The following AGAP3 variants were observed in gnomAD, a reference collection of about 807,000 sequenced individuals.
The protein encoded by AGAP3 is arf-GAP with GTPase, ANK repeat and PH domain-containing protein 3.
Under a neutral mutation model 96.9 loss-of-function variants are expected in AGAP3, and 24 were observed. The ratio of observed to expected loss-of-function variants is 0.25; its 90% CI spans 0.18 to 0.35. The LOEUF (loss-of-function observed/expected upper bound fraction) is 0.35, where lower values mean the gene tolerates loss of function less well. Ranked by LOEUF, AGAP3 falls within the 10% of genes least tolerant of loss-of-function variation. The pLI is 1.00. For missense variants in AGAP3, 876 were observed against 1,254.2 expected (o/e 0.70, Z 4.55); for synonymous variants, 563 against 536.1 (o/e 1.05, Z -0.69).
chr7:151,107,067 T>TG (rs1196237464), intron 1 of AGAP3, among the ~76,000 whole-genome samples: 2 of 152,102 alleles, frequency 1.3e-5, no homozygotes, highest in African/African-American at 4.8e-5. Context: ...CCCAGCACTT[T>TG]GGGGGGCCAA....
chr7:151,143,991 A>C lies in AGAP3; in HGVS notation c.*48A>C, dbSNP rs1316942267. ...GCCAGAAGGACTCCATGGCCCAAAG[A>C]CCCTCCTCCCTGCAGGCACTGTGGG... On this transcript the variant is annotated 3_prime_UTR_variant, in exon 18 of 18. Coordinates refer to ENST00000397238, the MANE Select transcript of AGAP3 (RefSeq NM_031946.7). This position sits in a 1 kb window ranked among gnomAD's most constrained non-coding sequence, Gnocchi z 5.9. 1 of 1,558,282 alleles carries C rather than the reference A, an allele frequency of 6.4e-7. No homozygotes were observed. The highest frequency in any genetic ancestry group is 8.8e-7 in the Non-Finnish European group (1 of 1,135,114).
At position 151,139,968 on chromosome 7, in the gene AGAP3, C is replaced by A. The variant is rs1173653764; in HGVS notation, c.1667-11C>A. The A allele has an allele frequency of 1.9e-6, 3 of 1,542,630 alleles. No homozygotes were observed. On this transcript the variant is annotated splice_polypyrimidine_tract_variant and intron_variant, in intron 12 of 17. Transcript: ENST00000397238. The surrounding 1 kb of genome is among the most constrained non-coding windows in gnomAD (Gnocchi z 4.9). ...CTTCTTCCCACACTTCTCCAACTCT[C>A]CCCTCACCAGCCAGTGGCCCAGCTG... is the stretch of plus-strand genomic sequence containing the variant.
At chr7:151,087,377 AGGGCTTCAGCTGC>A (rs1198037008) in intron 1 of AGAP3, among the ~76,000 whole-genome samples, 2 of 151,620 alleles carry the variant, frequency 1.3e-5, no homozygotes, top group Non-Finnish European at 2.9e-5. Flanking sequence ...GGCGCGGCAG[AGGGCTTCAGCTGC>A]GGGGAGGTGG....
In AGAP3 at chr7:151,117,645, T is replaced by G; in HGVS notation, c.574T>G (p.Trp192Gly). The change falls in exon 5 of 18, where the codon TGG becomes GGG. Residue 192 changes from tryptophan to glycine, a missense_variant. Trp to Gly is a radical substitution (Grantham distance 184, BLOSUM62 -2). Coordinates refer to ENST00000397238, the MANE Select transcript of AGAP3 (RefSeq NM_031946.7). ...ACTTGCTCTACCCTAGTTTGCTGCC[T>G]GGGTGGATGCAGTGGTGTTTGTGTT... ...GGPPELQFAAWVDAVVFVFSL... is the reference protein window; with the variant it reads ...GGPPELQFAAGVDAVVFVFSL... The G allele has an allele frequency of 6.2e-7, 1 of 1,614,112 alleles. No homozygotes were observed. Among genetic ancestry groups the G allele is most frequent in the Non-Finnish European group, 8.5e-7 (1 of 1,179,980 alleles).
chr7:151,132,333 T>C (rs1385452875), intron 10 of AGAP3, among the ~76,000 whole-genome samples: 1 of 152,200 alleles, frequency 6.6e-6, no homozygotes, highest in East Asian at 1.9e-4. Flanking sequence ...GTTCTGTGGT[T>C]CTGGGACAAT....
chr7:151,125,847 A>AGGC (rs1189457642), intron 9 of AGAP3, among the ~76,000 whole-genome samples: 1 of 152,186 alleles, frequency 6.6e-6, no homozygotes, highest in African/African-American at 2.4e-5. Flanking sequence ...GCTGGGAGGG[A>AGGC]GGCGGCGGCG....
rs554713768 is a variant in AGAP3, at chr7:151,121,360, G to A, written c.1128+1215G>A. On this transcript the variant is annotated intron_variant, in intron 8 of 17. Transcript: ENST00000397238. ...AGAGCGTGGGGGGGGCCGCCTGCTC[G>A]AGCCCACACCTGCTGCTGCTGCTGC... Among the ~76,000 whole-genome samples, 25 of 151,334 alleles carry A rather than the reference G, an allele frequency of 1.7e-4. No homozygotes were observed. In the Middle Eastern group the frequency reaches 0.014, roughly 82 times the overall value.
At chr7:151,117,833 C>G (rs1799670622) in intron 5 of AGAP3, 56 bp downstream of exon 5, 8 of 1,557,324 alleles carry the variant, frequency 5.1e-6, no homozygotes, top group South Asian at 1.2e-5. Context: ...GGCAACGATG[C>G]ATGGGGGCAG....
In AGAP3 at chr7:151,144,082, G is replaced by A; in HGVS notation, c.*139G>A. On this transcript the variant is annotated 3_prime_UTR_variant, in exon 18 of 18. Transcript: ENST00000397238. ...ACGAAGCCAAGGAAATTAGGGAGGA[G>A]AGTCAAAGGGATCAAGGAGAGTTGG... 2.3e-6 allele frequency: 2 copies of A among 871,554 alleles called. No homozygotes were observed. The highest frequency in any genetic ancestry group is 1.7e-5 in the South Asian group (1 of 57,270). 54.0% of individuals were successfully genotyped at this position (871,554 alleles called of 1,614,324 possible). A position where few individuals can be genotyped will look rare whatever the true frequency, so the allele number is the denominator to read the frequency against.
At chr7:151,123,181 T>G (rs1005842137) in intron 8 of AGAP3, 2 of 1,069,484 alleles carry the variant, frequency 1.9e-6, no homozygotes, top group South Asian at 6.1e-5. Flanking sequence ...CCGTTCCTGC[T>G]CCTGCTCCGG....
At chr7:151,134,237 G>A (rs948487033) in intron 10 of AGAP3, among the ~76,000 whole-genome samples, 163 bp from the exon 11 acceptor site, 4 of 151,982 alleles carry the variant, frequency 2.6e-5, no homozygotes, top group Non-Finnish European at 5.9e-5. Context: ...AGATCGAGGT[G>A]GAATCCAGAC....
Position 151,140,533 on chromosome 7 carries a change from A to T in AGAP3, c.1804+417A>T, listed in dbSNP as rs1800777848. 6.5e-6 allele frequency: 1 copy of T among 153,100 alleles called. No homozygotes were observed. Among genetic ancestry groups the T allele is most frequent in the Non-Finnish European group, 1.5e-5 (1 of 68,672 alleles). 9.5% of individuals were successfully genotyped at this position (153,100 alleles called of 1,614,324 possible). ...TCATTAGTTTTCCTTAGGCTAAGGA[A>T]TTCCAGGTCCTGAAGCCTTCTTCCA... is the stretch of plus-strand genomic sequence containing the variant. On this transcript the variant is annotated intron_variant, in intron 13 of 17. Coordinates refer to ENST00000397238, the MANE Select transcript of AGAP3 (RefSeq NM_031946.7). This position sits in a 1 kb window ranked among gnomAD's most constrained non-coding sequence, Gnocchi z 5.4.
rs374773519 is a variant in AGAP3, at chr7:151,118,226, G to A, written c.723G>A (p.Ala241=). 9 of 1,610,702 alleles carry A rather than the reference G, an allele frequency of 5.6e-6. No homozygotes were observed. Among genetic ancestry groups the A allele is most frequent in the African/African-American group, 4.0e-5 (3 of 74,846 alleles). The change falls in exon 6 of 18, where the codon GCG becomes GCA. Residue 241 remains alanine (A), a synonymous_variant. Transcript: ENST00000397238. This position sits in a 1 kb window ranked among gnomAD's most constrained non-coding sequence, Gnocchi z 6.1. ...CTCCAACAGATGCCATCAGCGCTGC[G>A]AATCCCCGGGTTATCGACGACAGCA... ...LVGTQDAISA[A]NPRVIDDSRA...
At chr7:151,123,343 C>A in intron 8 of AGAP3, 1 of 1,041,382 alleles carries the variant, frequency 9.6e-7, no homozygotes, top group Non-Finnish European at 1.2e-6. Context: ...TCCACTGTGC[C>A]CCTTGGGCCA....
intron 4 of AGAP3, 64 bp downstream of exon 4, chr7:151,117,520 G>A (rs965201211): frequency 9.0e-5 from 145 of 1,613,352 alleles, no homozygotes; most frequent in Middle Eastern, 3.3e-4. Context: ...GAGCTTGCTG[G>A]TTGGGACTGG....
At chr7:151,138,088 T>G in intron 11 of AGAP3, 55 bp from the exon 12 acceptor site, 1 of 1,330,184 alleles carries the variant, frequency 7.5e-7, no homozygotes, top group Non-Finnish European at 1.0e-6. Context: ...ATAGTATCTT[T>G]GAGAATCCTC....
intron 1 of AGAP3, among the ~76,000 whole-genome samples, chr7:151,101,831 C>T (rs1317170876): frequency 1.3e-5 from 2 of 152,122 alleles, no homozygotes; most frequent in African/African-American, 4.8e-5. Flanking sequence ...CCCCAGGCCT[C>T]GGGGTGAGAG....
intron 1 of AGAP3, among the ~76,000 whole-genome samples, chr7:151,105,177 C>A (rs1173717063): frequency 6.6e-6 from 1 of 152,228 alleles, no homozygotes; most frequent in African/African-American, 2.4e-5. Context: ...TCCTCTGTAT[C>A]CCCTCAGAGT....
At chr7:151,115,029 C>T (rs1451091073) in intron 1 of AGAP3, 3 of 992,006 alleles carry the variant, frequency 3.0e-6, no homozygotes, top group East Asian at 2.2e-4. Flanking sequence ...CCTCGGCCGC[C>T]GGGGCCTGGC....
Sources: gnomAD v4.1 joint callset for allele counts (sites outside exome capture counted in the v4.1 genomes callset) on GRCh38, gnomAD v4.1.1 for gene constraint, Gnocchi (gnomAD v3.1) non-coding constraint, MANE v1.5 for transcripts, NCBI Gene and HGNC (gene_info 2026-07-23, HGNC 2026-07-21) for gene names.